The following CNTN4 variants were observed in gnomAD, a reference collection of about 807,000 sequenced individuals.
CNTN4 encodes the protein contactin 4.
Under a neutral mutation model 122.5 loss-of-function variants are expected in CNTN4, and 77 were observed. The observed-to-expected ratio is 0.63, with a 90% CI of 0.52 to 0.76. The LOEUF is 0.76. CNTN4 is among the 30% of genes least tolerant of loss of function. The pLI is 0.00. For synonymous variants in CNTN4, 512 were observed against 447.0 expected, an observed-to-expected ratio of 1.15 and a Z score of -1.83; for missense variants, 1,256 against 1,259.1, an observed-to-expected ratio of 1.00 and a Z score of 0.04.
intron 4 of CNTN4, among the ~76,000 whole-genome samples, chr3:2,582,368 A>G (rs1576089660): frequency 2.0e-5 from 3 of 152,288 alleles, no homozygotes; most frequent in Admixed American, 2.0e-4. Flanking sequence ...AATGAGTGGC[A>G]TAATCAGATT....
At chr3:2,258,375 G>C (rs2040685938) in intron 2 of CNTN4, among the ~76,000 whole-genome samples, 1 of 151,828 alleles carries the variant, frequency 6.6e-6, no homozygotes, top group South Asian at 2.1e-4. Flanking sequence ...TGGGCTTTCT[G>C]ATCTTTTGAT....
intron 3 of CNTN4, among the ~76,000 whole-genome samples, chr3:2,408,873 C>G (rs1221850863): frequency 6.6e-6 from 1 of 151,952 alleles, no homozygotes; most frequent in East Asian, 1.9e-4. Flanking sequence ...TGAGGTCATC[C>G]CTGTTTATGA....
In CNTN4 at chr3:2,101,194, C is replaced by G. The variant is rs559390725; in HGVS notation, c.-145+555C>G. Among the ~76,000 whole-genome samples, 3 of 152,122 alleles carry G rather than the reference C, an allele frequency of 2.0e-5. No homozygotes were observed. In the South Asian group the frequency reaches 6.2e-4, roughly 32 times the overall value. On this transcript the variant is annotated intron_variant, in intron 2 of 24. Coordinates refer to ENST00000418658, the MANE Select transcript of CNTN4 (RefSeq NM_175607.3). ...CACTTATTTTACCTACTTCTCTCTC[C>G]TTTTTGTTCAAAAGTAGGTCTTCTG...
In CNTN4 at chr3:3,003,394, C is replaced by G. The variant is rs577810238; in HGVS notation, c.1486+14922C>G. Among the ~76,000 whole-genome samples, 82 of 152,096 alleles carry G rather than the reference C, an allele frequency of 5.4e-4. 1 individual carries two copies. The Middle Eastern group carries it at 0.037, about 69-fold the overall frequency. ...AAATGTGGTGTATCCATACAATGGACTATTATTCAGTCATTAAAAGAAATG... is the reference window on the plus strand; with the variant it reads ...AAATGTGGTGTATCCATACAATGGAGTATTATTCAGTCATTAAAAGAAATG... On this transcript the variant is annotated intron_variant, in intron 14 of 24. Coordinates refer to ENST00000418658, the MANE Select transcript of CNTN4 (RefSeq NM_175607.3).
intron 3 of CNTN4, among the ~76,000 whole-genome samples, chr3:2,353,870 G>T (rs1170216818): frequency 1.3e-5 from 2 of 152,136 alleles, no homozygotes; most frequent in Admixed American, 6.5e-5. Context: ...CCGCACTCCA[G>T]CCTGGGCGAC....
intron 7 of CNTN4, among the ~76,000 whole-genome samples, chr3:2,852,573 G>T (rs764301496): frequency 6.6e-6 from 1 of 152,008 alleles, no homozygotes; most frequent in Non-Finnish European, 1.5e-5. Flanking sequence ...TAGCAATTTG[G>T]CTACAGTATT....
intron 4 of CNTN4, among the ~76,000 whole-genome samples, chr3:2,720,514 G>C (rs1294255840): frequency 1.3e-5 from 2 of 152,128 alleles, no homozygotes; most frequent in Non-Finnish European, 2.9e-5. Context: ...GGCAAAGGTG[G>C]AAAGATGTGC....
intron 2 of CNTN4, among the ~76,000 whole-genome samples, chr3:2,195,537 C>G (rs2037793503): frequency 6.6e-6 from 1 of 152,136 alleles, no homozygotes; most frequent in Non-Finnish European, 1.5e-5. Context: ...AACTGCTATT[C>G]TGATGCAATA....
At position 2,405,304 on chromosome 3, in the gene CNTN4, C is replaced by G. The variant is rs551875047; in HGVS notation, c.-89+66071C>G. 3.3e-5 allele frequency among the ~76,000 whole-genome samples: 5 copies of G among 152,270 alleles called. No homozygotes were observed. The South Asian group carries it at 8.3e-4, about 25-fold the overall frequency. On this transcript the variant is annotated intron_variant, in intron 3 of 24. Coordinates refer to ENST00000418658, the MANE Select transcript of CNTN4 (RefSeq NM_175607.3). Reference sequence around the variant, plus strand: ...GACAACCCAGTAGCAATGAGCACACCTAGGACTCATATCTTGGTATTTAAA... The same window carrying G: ...GACAACCCAGTAGCAATGAGCACACGTAGGACTCATATCTTGGTATTTAAA...
intron 13 of CNTN4, among the ~76,000 whole-genome samples, chr3:2,963,063 A>G (rs1426359932): frequency 6.6e-6 from 1 of 152,096 alleles, no homozygotes; most frequent in East Asian, 1.9e-4. Context: ...GCCCAGGATT[A>G]TGTTCATGTT....
At chr3:2,933,759 A>G (rs987050599) in intron 13 of CNTN4, among the ~76,000 whole-genome samples, 3 of 152,166 alleles carry the variant, frequency 2.0e-5, no homozygotes, top group Non-Finnish European at 4.4e-5. Context: ...GTGAGTGTCC[A>G]ATAGGAAACT....
intron 13 of CNTN4, among the ~76,000 whole-genome samples, chr3:2,968,244 C>G (rs1305433936): frequency 1.3e-5 from 2 of 152,022 alleles, no homozygotes; most frequent in Admixed American, 6.6e-5. Context: ...CTTTTTGCTC[C>G]CTCTTCAAAA....
chr3:2,347,210 A>G (rs185774747), intron 3 of CNTN4, among the ~76,000 whole-genome samples: 1 of 152,290 alleles, frequency 6.6e-6, no homozygotes, highest in African/African-American at 2.4e-5. Flanking sequence ...CTCATGCAAC[A>G]TTCTCAATGA....
intron 2 of CNTN4, among the ~76,000 whole-genome samples, chr3:2,161,193 CATT>C (rs1371501408): frequency 6.6e-6 from 1 of 151,868 alleles, no homozygotes; most frequent in Non-Finnish European, 1.5e-5. Flanking sequence ...AATAGAAAGT[CATT>C]GTGGCTGAAG....
At chr3:2,453,581 C>G (rs2048904622) in intron 3 of CNTN4, among the ~76,000 whole-genome samples, 3 of 152,100 alleles carry the variant, frequency 2.0e-5, no homozygotes, top group African/African-American at 7.2e-5. Flanking sequence ...GATCATGTAG[C>G]TTTTCAGAGG....
Position 2,598,642 on chromosome 3 carries a change from T to C in CNTN4, c.55+27084T>C, listed in dbSNP as rs530640909. On this transcript the variant is annotated intron_variant, in intron 4 of 24. Transcript: ENST00000418658. ...ACTTTTACATCATAATTCAAAAATA[T>C]AAGGAAACTTATGTAGCCGTAATAG... is the stretch of plus-strand genomic sequence containing the variant. Among the ~76,000 whole-genome samples the C allele has an allele frequency of 1.4e-3, 213 of 152,306 alleles. 2 individuals are homozygous for C. Among genetic ancestry groups the C allele is most frequent in the African/African-American group, 2.1e-3 (89 of 41,562 alleles).
At chr3:2,593,041 A>C (rs1310353923) in intron 4 of CNTN4, among the ~76,000 whole-genome samples, 3 of 152,184 alleles carry the variant, frequency 2.0e-5, no homozygotes, top group African/African-American at 7.2e-5. Flanking sequence ...AGCCCTACCT[A>C]ATTTGAGAAT....
At chr3:2,163,972 G>C (rs2036075936) in intron 2 of CNTN4, among the ~76,000 whole-genome samples, 1 of 152,134 alleles carries the variant, frequency 6.6e-6, no homozygotes, top group Non-Finnish European at 1.5e-5. Context: ...GAGCTAAGCT[G>C]TGAGGCTGCA....
chr3:2,130,650 A>G (rs2034407438), intron 2 of CNTN4, among the ~76,000 whole-genome samples: 1 of 152,180 alleles, frequency 6.6e-6, no homozygotes, highest in Non-Finnish European at 1.5e-5. Flanking sequence ...AACTGGCTCT[A>G]GTGTAATTTC....
Sources: gnomAD v4.1 joint callset for allele counts (sites outside exome capture counted in the v4.1 genomes callset) on GRCh38, gnomAD v4.1.1 for gene constraint, MANE v1.5 for transcripts, NCBI Gene and HGNC (gene_info 2026-07-23, HGNC 2026-07-21) for gene names.